USP15: variants seen among roughly 807,000 people sequenced by gnomAD.
USP15 encodes ubiquitin carboxyl-terminal hydrolase 15.
Under a neutral mutation model 127.1 loss-of-function variants are expected in USP15, and 18 were observed. The ratio of observed to expected loss-of-function variants is 0.14; its 90% CI spans 0.10 to 0.21. The LOEUF is 0.21. USP15 is among the 10% of genes least tolerant of loss of function. The pLI, the probability that USP15 is intolerant of heterozygous loss-of-function variation, is 1.00. For missense variants in USP15, 805 were observed against 1,159.9 expected (o/e 0.69, Z 4.44); for synonymous variants, 364 against 393.7 (o/e 0.92, Z 0.89).
intron 20 of USP15, among the ~76,000 whole-genome samples, chr12:62,400,065 G>A (rs1241152688): frequency 2.0e-5 from 3 of 152,098 alleles, no homozygotes; most frequent in African/African-American, 7.2e-5. Context: ...GAATTATTTA[G>A]AAGCCGTACC....
At chr12:62,334,097 A>G (rs1227415811) in intron 6 of USP15, 1 of 152,154 alleles carries the variant, frequency 6.6e-6, no homozygotes, top group Non-Finnish European at 1.5e-5. Context: ...AAAAGTAAGA[A>G]TGGTAGAATG....
At chr12:62,274,118 G>A (rs2063412240) in intron 1 of USP15, 1 of 152,016 alleles carries the variant, frequency 6.6e-6, no homozygotes, top group African/African-American at 2.4e-5. Context: ...GAAAACTAGA[G>A]TGCGGGACTT....
At chr12:62,276,866 G>A (rs2063506132) in intron 1 of USP15, among the ~76,000 whole-genome samples, 2 of 152,050 alleles carry the variant, frequency 1.3e-5, no homozygotes, top group African/African-American at 4.8e-5. Flanking sequence ...GAAATAAAAA[G>A]TAATGAATAA....
intron 6 of USP15, among the ~76,000 whole-genome samples, chr12:62,340,562 A>C (rs2065616208): frequency 6.6e-6 from 1 of 151,692 alleles, no homozygotes; most frequent in African/African-American, 2.4e-5. Context: ...GCTTTAGCAG[A>C]ATCTCTGGTA....
At chr12:62,268,014 C>T (rs1262401016) in intron 1 of USP15, among the ~76,000 whole-genome samples, 1 of 152,012 alleles carries the variant, frequency 6.6e-6, no homozygotes, top group Admixed American at 6.6e-5. Flanking sequence ...CTTTTTAATT[C>T]TCAGGAGAGA....
intron 1 of USP15, among the ~76,000 whole-genome samples, chr12:62,280,892 T>C (rs1316095538): frequency 1.2e-4 from 19 of 152,216 alleles, no homozygotes. Context: ...TTAAGCATTT[T>C]AGACTTCATC....
intron 11 of USP15, 128 bp downstream of exon 11, chr12:62,384,430 G>A: frequency 1.3e-6 from 1 of 751,748 alleles, no homozygotes; most frequent in Non-Finnish European, 2.0e-6. Flanking sequence ...AATCAATAAT[G>A]TTTATTTGTA....
chr12:62,347,892 G>A (rs1237573605), intron 6 of USP15, among the ~76,000 whole-genome samples: 1 of 152,094 alleles, frequency 6.6e-6, no homozygotes, highest in African/African-American at 2.4e-5. Flanking sequence ...ATTTTATAAT[G>A]TATAAAACTT....
At position 62,315,801 on chromosome 12, in the gene USP15, A is replaced by G. The variant is rs1400417909; in HGVS notation, c.475+885A>G. Among the ~76,000 whole-genome samples the G allele has an allele frequency of 3.3e-5, 5 of 152,184 alleles. No individual in the cohort carries two copies. In the East Asian group the frequency reaches 7.7e-4, roughly 23 times the overall value. ...TAACTGCATTTGGCTTTCTTTCACCACTTACCCACTTCACAGCTGGAAAAT... is the reference window on the plus strand; with the variant it reads ...TAACTGCATTTGGCTTTCTTTCACCGCTTACCCACTTCACAGCTGGAAAAT... On this transcript the variant is annotated intron_variant, in intron 4 of 21. Coordinates refer to ENST00000280377, the MANE Select transcript of USP15 (RefSeq NM_001252078.2).
chr12:62,362,885 G>C (rs1337328692), intron 8 of USP15, among the ~76,000 whole-genome samples: 1 of 152,112 alleles, frequency 6.6e-6, no homozygotes, highest in Non-Finnish European at 1.5e-5. Context: ...TCATATTTAC[G>C]AAAAGTAACA....
At chr12:62,268,866 A>AT (rs2063268012) in intron 1 of USP15, among the ~76,000 whole-genome samples, 1 of 152,076 alleles carries the variant, frequency 6.6e-6, no homozygotes, top group Admixed American at 6.6e-5. Flanking sequence ...TTGGAATCCA[A>AT]AAAGGAACCT....
At chr12:62,329,428 A>G (rs2065220914) in intron 6 of USP15, among the ~76,000 whole-genome samples, 1 of 152,228 alleles carries the variant, frequency 6.6e-6, no homozygotes, top group African/African-American at 2.4e-5. Context: ...ACTACATCAT[A>G]GGGATCATAG....
At chr12:62,345,919 G>A (rs929760378) in intron 6 of USP15, among the ~76,000 whole-genome samples, 32 of 152,110 alleles carry the variant, frequency 2.1e-4, no homozygotes, top group African/African-American at 6.0e-4. Flanking sequence ...ACCCGCCCCC[G>A]TGATTCAATC....
chr12:62,361,558 A>G (rs976596093), intron 8 of USP15, among the ~76,000 whole-genome samples: 2 of 152,034 alleles, frequency 1.3e-5, no homozygotes, highest in African/African-American at 4.8e-5. Flanking sequence ...TAGTGACTAC[A>G]TCTTATAACA....
intron 19 of USP15, 112 bp from the exon 20 acceptor site, chr12:62,396,183 G>A (rs2067486369): frequency 3.6e-6 from 2 of 560,392 alleles, no homozygotes; most frequent in Non-Finnish European, 5.8e-6. Context: ...GATATATATA[G>A]ATGGATAGAT....
chr12:62,269,349 T>C (rs1487441027), intron 1 of USP15, among the ~76,000 whole-genome samples: 3 of 145,048 alleles, frequency 2.1e-5, no homozygotes, highest in Admixed American at 6.7e-5. Flanking sequence ...TGTGTATAAA[T>C]ATATATATGT....
rs924285756 is a variant in USP15 at position 62,265,774 on chromosome 12, T to C, written c.89+5271T>C. Among the ~76,000 whole-genome samples, 6 of 152,192 alleles carry C rather than the reference T, an allele frequency of 3.9e-5. No homozygotes were observed. The East Asian group carries it at 1.2e-3, about 29-fold the overall frequency. On this transcript the variant is annotated intron_variant, in intron 1 of 21. Coordinates refer to ENST00000280377, the MANE Select transcript of USP15 (RefSeq NM_001252078.2). The stretch of plus-strand genomic sequence containing the variant: ...GTTGCCTAGACTGGTTTGAAACTCC[T>C]GACCTCAAATGATCCTCTGACTTCA...
rs1422004436 is a variant in USP15, at chr12:62,407,035, A to T, written c.*2660A>T. 3 of 152,166 alleles carry T rather than the reference A, an allele frequency of 2.0e-5. No homozygotes were observed. Among genetic ancestry groups the T allele is most frequent in the Non-Finnish European group, 4.4e-5 (3 of 68,040 alleles). The allele number at this position is 152,166 out of a possible 1,614,324, so 9.4% of individuals were successfully genotyped here. Reference sequence around the variant, plus strand: ...TATCTAGACTAGAATTTCTACTTCTAGCTTTGCCACTTAGCAATCATATGA... The same window carrying T: ...TATCTAGACTAGAATTTCTACTTCTTGCTTTGCCACTTAGCAATCATATGA... On this transcript the variant is annotated 3_prime_UTR_variant, in exon 22 of 22. Transcript: ENST00000280377.
chr12:62,376,591 T>A (rs2066836891), intron 8 of USP15, among the ~76,000 whole-genome samples: 1 of 152,312 alleles, frequency 6.6e-6, no homozygotes, highest in Admixed American at 6.5e-5. Context: ...ATGAGACTGG[T>A]AGACATGTCA....
Sources: allele counts gnomAD v4.1 joint callset (sites outside exome capture counted in the v4.1 genomes callset), GRCh38; gene constraint gnomAD v4.1.1; transcripts MANE v1.5; gene names NCBI Gene and HGNC (gene_info 2026-07-23, HGNC 2026-07-21).